LSAMP: variants seen among roughly 807,000 people sequenced by gnomAD.
The protein encoded by LSAMP is limbic system-associated membrane protein.
A neutral mutation model predicts 38.6 loss-of-function variants in LSAMP; 7 were observed. The ratio of observed to expected loss-of-function variants is 0.18; its 90% CI spans 0.10 to 0.34. LSAMP has a LOEUF of 0.34. LSAMP is among the 10% of genes least tolerant of loss of function. LSAMP has a pLI of 1.00. For synonymous variants in LSAMP, 154 were observed against 166.8 expected (o/e 0.92, Z 0.59); for missense variants, 313 against 420.0 (o/e 0.75, Z 2.23).
At chr3:116,379,833 G>A (rs954280596) in intron 1 of LSAMP, among the ~76,000 whole-genome samples, 1 of 151,930 alleles carries the variant, frequency 6.6e-6, no homozygotes, top group Non-Finnish European at 1.5e-5. Flanking sequence ...GATAAAAGAC[G>A]CTTACTTACA....
chr3:116,106,612 A>G (rs368003863), intron 1 of LSAMP, among the ~76,000 whole-genome samples: 1 of 152,152 alleles, frequency 6.6e-6, no homozygotes, highest in Admixed American at 6.5e-5. Context: ...ACCTGAGAAA[A>G]TGCTTGGCTG....
At chr3:116,345,686 T>C (rs889128688) in intron 1 of LSAMP, among the ~76,000 whole-genome samples, 5 of 152,156 alleles carry the variant, frequency 3.3e-5, no homozygotes, top group African/African-American at 1.2e-4. Flanking sequence ...TTTGTTTGGG[T>C]TTTATTTGTT....
intron 3 of LSAMP, among the ~76,000 whole-genome samples, chr3:115,895,733 T>C (rs575876975): frequency 6.6e-6 from 1 of 152,238 alleles, no homozygotes; most frequent in South Asian, 2.1e-4. Flanking sequence ...AAAGTGTATC[T>C]GTAAGACCAT....
At chr3:115,946,636 C>T (rs1938106757) in intron 3 of LSAMP, among the ~76,000 whole-genome samples, 1 of 152,028 alleles carries the variant, frequency 6.6e-6, no homozygotes, top group Non-Finnish European at 1.5e-5. Context: ...AAATTTAATG[C>T]ATAATTAAAA....
chr3:116,416,438 T>A (rs959265646), intron 1 of LSAMP, among the ~76,000 whole-genome samples: 3 of 152,104 alleles, frequency 2.0e-5, no homozygotes, highest in African/African-American at 7.2e-5. Flanking sequence ...GGGAGGAGAA[T>A]GGGTTATAGA....
intron 1 of LSAMP, among the ~76,000 whole-genome samples, chr3:116,403,812 G>C (rs981562782): frequency 6.6e-6 from 1 of 151,880 alleles, no homozygotes; most frequent in Non-Finnish European, 1.5e-5. Flanking sequence ...GTGCAGGGGG[G>C]GTGATCATAG....
chr3:115,949,632 C>T (rs1938217720), intron 3 of LSAMP, among the ~76,000 whole-genome samples: 1 of 151,950 alleles, frequency 6.6e-6, no homozygotes, highest in Admixed American at 6.6e-5. Context: ...GAGAGATTCA[C>T]ACCTGAAATT....
intron 3 of LSAMP, among the ~76,000 whole-genome samples, chr3:115,898,278 C>G (rs1429284314): frequency 6.6e-6 from 1 of 151,918 alleles, no homozygotes; most frequent in African/African-American, 2.4e-5. Context: ...TTCCTAAAAC[C>G]TTTCATATGT....
At position 115,846,152 on chromosome 3, in the gene LSAMP, G is replaced by A. The variant is rs542049242; in HGVS notation, c.650-3574C>T. ...CATGCTTTGTGTAGTTAAAATAATAGATGTCCTTATTCAAAATATGGTTAT... is the reference window on the plus strand; with the variant it reads ...CATGCTTTGTGTAGTTAAAATAATAAATGTCCTTATTCAAAATATGGTTAT... On this transcript the variant is annotated intron_variant, in intron 4 of 6. Transcript: ENST00000490035. Among the ~76,000 whole-genome samples the A allele has an allele frequency of 8.3e-4, 126 of 152,256 alleles. 1 individual carries two copies. The Middle Eastern group carries it at 0.024, about 29-fold the overall frequency.
chr3:115,901,126 T>C (rs760840742), intron 3 of LSAMP, among the ~76,000 whole-genome samples: 1 of 152,120 alleles, frequency 6.6e-6, no homozygotes, highest in Non-Finnish European at 1.5e-5. Flanking sequence ...CATTCTCTGC[T>C]ATTAGCTGCT....
intron 1 of LSAMP, among the ~76,000 whole-genome samples, chr3:116,309,725 A>G (rs1304657433): frequency 6.6e-6 from 1 of 152,154 alleles, no homozygotes; most frequent in African/African-American, 2.4e-5. Context: ...TGGGAAGAAC[A>G]TTATAATTAG....
At chr3:116,202,675 C>G (rs1011848667) in intron 1 of LSAMP, among the ~76,000 whole-genome samples, 3 of 152,132 alleles carry the variant, frequency 2.0e-5, no homozygotes, top group Non-Finnish European at 4.4e-5. Flanking sequence ...CCTCCCAACT[C>G]AGCCTCCCCA....
chr3:116,198,754 G>C (rs1341671921), intron 1 of LSAMP, among the ~76,000 whole-genome samples: 1 of 113,534 alleles, frequency 8.8e-6, no homozygotes, highest in Non-Finnish European at 1.9e-5. Flanking sequence ...CTGGGCGACA[G>C]AGCAAGACTC....
intron 2 of LSAMP, among the ~76,000 whole-genome samples, chr3:116,035,192 C>G (rs996976217): frequency 6.6e-6 from 1 of 152,126 alleles, no homozygotes; most frequent in Non-Finnish European, 1.5e-5. Flanking sequence ...AAACAGAAAC[C>G]TGCTATGCTG....
At chr3:116,149,725 G>T (rs1028926271) in intron 1 of LSAMP, among the ~76,000 whole-genome samples, 1 of 151,884 alleles carries the variant, frequency 6.6e-6, no homozygotes, top group Non-Finnish European at 1.5e-5. Context: ...CTGTTACTCC[G>T]CAAGATCTCA....
intron 1 of LSAMP, among the ~76,000 whole-genome samples, chr3:116,306,021 A>G (rs1237697085): frequency 2.0e-5 from 3 of 151,462 alleles, no homozygotes; most frequent in South Asian, 2.1e-4. Flanking sequence ...CTAAGCTTCA[A>G]TGTGAAGCTA....
chr3:116,332,331 G>A (rs1413984658), intron 1 of LSAMP, among the ~76,000 whole-genome samples: 2 of 152,072 alleles, frequency 1.3e-5, no homozygotes, highest in African/African-American at 4.8e-5. Context: ...AGATAAAATT[G>A]TTTGACATCA....
At chr3:116,279,976 G>T (rs1370320383) in intron 1 of LSAMP, among the ~76,000 whole-genome samples, 1 of 151,990 alleles carries the variant, frequency 6.6e-6, no homozygotes, top group Non-Finnish European at 1.5e-5. Flanking sequence ...TAAAAAATCC[G>T]AGTTGGGCCA....
At chr3:116,182,435 C>T (rs1363494804) in intron 1 of LSAMP, among the ~76,000 whole-genome samples, 1 of 151,266 alleles carries the variant, frequency 6.6e-6, no homozygotes, top group Non-Finnish European at 1.5e-5. Context: ...TAGTCTAGCA[C>T]TCATGAAACT....
Sources: gnomAD v4.1 joint callset for allele counts (sites outside exome capture counted in the v4.1 genomes callset) on GRCh38, gnomAD v4.1.1 for gene constraint, MANE v1.5 for transcripts, NCBI Gene and HGNC (gene_info 2026-07-23, HGNC 2026-07-21) for gene names.